Variants in E2F3 observed in about 807,000 individuals in gnomAD.
E2F3 encodes transcription factor E2F3.
In E2F3, 11 loss-of-function variants were observed where a neutral mutation model predicts 44.4. That is an observed-to-expected ratio of 0.25 (90% CI 0.16 to 0.41). E2F3 has a LOEUF of 0.41. Among genes scored for constraint, E2F3 ranks in the 10% least tolerant of loss-of-function variants. The probability of loss-of-function intolerance (pLI) is 1.00; values close to 1 mark genes in which losing one functional copy is unlikely to be tolerated. For synonymous variants in E2F3, 249 were observed against 253.0 expected (o/e 0.98, Z 0.15); for missense variants, 487 against 583.6 (o/e 0.83, Z 1.70).
chr6:20,461,531 C>T (rs1370836846), intron 1 of E2F3, among the ~76,000 whole-genome samples: 4 of 152,166 alleles, frequency 2.6e-5, no homozygotes, highest in Non-Finnish European at 5.9e-5. Flanking sequence ...ATTGTTTTTT[C>T]CACTACATTT....
intron 1 of E2F3, among the ~76,000 whole-genome samples, chr6:20,419,281 A>G (rs530875976): frequency 6.4e-4 from 97 of 152,272 alleles, no homozygotes; most frequent in African/African-American, 1.9e-3. Flanking sequence ...TTGGATATCT[A>G]TGTACATAAG....
chr6:20,463,551 G>A (rs569280212), intron 1 of E2F3, among the ~76,000 whole-genome samples: 32 of 152,102 alleles, frequency 2.1e-4, no homozygotes, highest in Non-Finnish European at 2.5e-4. Flanking sequence ...GAATTCTTTC[G>A]GCTTTCGTAT....
chr6:20,444,473 C>T (rs1422037356), intron 1 of E2F3, among the ~76,000 whole-genome samples: 1 of 152,092 alleles, frequency 6.6e-6, no homozygotes, highest in African/African-American at 2.4e-5. Context: ...TAGTTCATTC[C>T]TACAGAAAAT....
At chr6:20,482,601 T>A (rs199982087) in intron 3 of E2F3, among the ~76,000 whole-genome samples, 161 bp from the exon 4 acceptor site, 12,494 of 100,584 alleles carry the variant, frequency 0.12, 686 homozygotes, top group African/African-American at 0.22. Context: ...AAAAAAAAAA[T>A]ATATATATAT....
At chr6:20,419,662 T>A (rs755339215) in intron 1 of E2F3, among the ~76,000 whole-genome samples, 13 of 149,854 alleles carry the variant, frequency 8.7e-5, no homozygotes, top group Non-Finnish European at 1.8e-4. Flanking sequence ...TTCCCAGGTG[T>A]TCAAGCAATT....
At chr6:20,410,467 A>G (rs1417760835) in intron 1 of E2F3, among the ~76,000 whole-genome samples, 1 of 152,176 alleles carries the variant, frequency 6.6e-6, no homozygotes, top group Non-Finnish European at 1.5e-5. Context: ...TACCTACCTT[A>G]TGGGGTTAGG....
intron 6 of E2F3, among the ~76,000 whole-genome samples, chr6:20,489,034 C>T (rs1057151558): frequency 4.6e-5 from 7 of 152,050 alleles, no homozygotes; most frequent in Non-Finnish European, 8.8e-5. Context: ...TTCTCCTTCC[C>T]GCTCTGCAAA....
chr6:20,417,588 TAA>T (rs11344554), intron 1 of E2F3, among the ~76,000 whole-genome samples: 11,112 of 139,028 alleles, frequency 0.08, 1,346 homozygotes, highest in African/African-American at 0.26. Context: ...ATAATGGATT[TAA>T]AAAAAAAAAA....
intron 1 of E2F3, among the ~76,000 whole-genome samples, chr6:20,412,320 G>A (rs1339661578): frequency 1.3e-5 from 2 of 152,082 alleles, no homozygotes; most frequent in African/African-American, 4.8e-5. Flanking sequence ...TGATACCTAG[G>A]CCCCACCCAG....
At chr6:20,472,073 C>CACACAT (rs1336723643) in intron 1 of E2F3, among the ~76,000 whole-genome samples, 1 of 150,612 alleles carries the variant, frequency 6.6e-6, no homozygotes, top group African/African-American at 2.5e-5. Context: ...CACACACTCA[C>CACACAT]ATCTATCCCT....
At chr6:20,435,049 A>T (rs912885180) in intron 1 of E2F3, among the ~76,000 whole-genome samples, 1 of 152,218 alleles carries the variant, frequency 6.6e-6, no homozygotes, top group African/African-American at 2.4e-5. Flanking sequence ...GTCCTGGACA[A>T]GTGAGGTCCT....
chr6:20,487,084 G>A (rs548942893), intron 5 of E2F3, among the ~76,000 whole-genome samples: 6 of 152,246 alleles, frequency 3.9e-5, no homozygotes, highest in African/African-American at 1.4e-4. Flanking sequence ...GTCATCAACG[G>A]TTTTGATCAA....
chr6:20,418,290 A>T (rs1759916160), intron 1 of E2F3, among the ~76,000 whole-genome samples: 1 of 152,226 alleles, frequency 6.6e-6, no homozygotes. Context: ...GGAACTAGAG[A>T]TGCATTATCA....
intron 1 of E2F3, among the ~76,000 whole-genome samples, chr6:20,463,923 C>T (rs1301420185): frequency 6.6e-6 from 1 of 152,204 alleles, no homozygotes; most frequent in Non-Finnish European, 1.5e-5. Context: ...AATTGGGGTT[C>T]CCACAACCCC....
At position 20,493,046 on chromosome 6, in the gene E2F3, G is replaced by A. The variant is rs1485295516; in HGVS notation, c.*2616G>A. The A allele has an allele frequency of 4.6e-6, 1 of 216,476 alleles. No individual in the cohort carries two copies. Among genetic ancestry groups the A allele is most frequent in the Non-Finnish European group, 9.3e-6 (1 of 107,408 alleles). The allele number at this position is 216,476 out of a possible 1,614,324, so 13.4% of individuals were successfully genotyped here. The stretch of plus-strand genomic sequence containing the variant: ...TGAGCTGTCAAACAGTGTTAGGAGT[G>A]TGTTTATATGTACAGAGTTGTGCAT... On this transcript the variant is annotated 3_prime_UTR_variant, in exon 7 of 7. Transcript: ENST00000346618.
chr6:20,467,629 A>G (rs991569875), intron 1 of E2F3, among the ~76,000 whole-genome samples: 1 of 152,176 alleles, frequency 6.6e-6, no homozygotes, highest in Non-Finnish European at 1.5e-5. Context: ...CTGTGAGTCT[A>G]CTGGCTGAAG....
At chr6:20,412,979 TAAC>T (rs1759724469) in intron 1 of E2F3, among the ~76,000 whole-genome samples, 2 of 152,308 alleles carry the variant, frequency 1.3e-5, no homozygotes, top group Admixed American at 1.3e-4. Flanking sequence ...ATTATCCACA[TAAC>T]AACCTATGAA....
chr6:20,402,061 C>G lies in E2F3; in HGVS notation c.-172C>G. The G allele has an allele frequency of 8.3e-7, 1 of 1,205,750 alleles. No individual in the cohort carries two copies. Among genetic ancestry groups the G allele is most frequent in the Non-Finnish European group, 1.1e-6 (1 of 915,954 alleles). 74.7% of individuals were successfully genotyped at this position (1,205,750 alleles called of 1,614,324 possible). On this transcript the variant is annotated 5_prime_UTR_variant, in exon 1 of 7. Coordinates refer to ENST00000346618, the MANE Select transcript of E2F3 (RefSeq NM_001949.5). This position sits in a 1 kb window ranked among gnomAD's most constrained non-coding sequence, Gnocchi z 5.6. ...CCAGAGCCCCGATTATTTTTGGCCC[C>G]CGGGGCCTGTGCGGTGCGGAAAAAT...
At chr6:20,438,871 G>A (rs1262913366) in intron 1 of E2F3, among the ~76,000 whole-genome samples, 1 of 152,150 alleles carries the variant, frequency 6.6e-6, no homozygotes, top group African/African-American at 2.4e-5. Flanking sequence ...ACTCATGCAA[G>A]CAAGTTGCTG....
Sources: gnomAD v4.1 joint callset for allele counts (sites outside exome capture counted in the v4.1 genomes callset) on GRCh38, gnomAD v4.1.1 for gene constraint, Gnocchi (gnomAD v3.1) non-coding constraint, MANE v1.5 for transcripts, NCBI Gene and HGNC (gene_info 2026-07-23, HGNC 2026-07-21) for gene names.